The following RRP7A variants were observed in gnomAD, a reference collection of about 807,000 sequenced individuals.
The protein encoded by RRP7A is ribosomal RNA processing 7 homolog A, also known as ribosomal RNA-processing protein 7 homolog A.
In RRP7A, 27 loss-of-function variants were observed where a neutral mutation model predicts 38.4. The observed-to-expected ratio is 0.70, with a 90% confidence interval of 0.52 to 0.97. The LOEUF (loss-of-function observed/expected upper bound fraction) is 0.97. Among genes scored for constraint, RRP7A ranks in the 50% least tolerant of loss-of-function variants. The pLI is 0.00. For synonymous variants in RRP7A, 124 were observed against 150.3 expected, an observed-to-expected ratio of 0.83 and a Z score of 1.28; for missense variants, 327 against 375.4, an observed-to-expected ratio of 0.87 and a Z score of 1.07.
intron 1 of RRP7A, among the ~76,000 whole-genome samples, chr22:42,519,327 C>G (rs1191456157): frequency 6.6e-6 from 1 of 151,390 alleles, no homozygotes; most frequent in Non-Finnish European, 1.5e-5. Flanking sequence ...GGAGGGCAAC[C>G]GAGTAGGAGG....
chr22:42,511,952 G>C lies in RRP7A; in HGVS notation c.*958C>G, dbSNP rs1932478047. ...GGTTAGACATCTCCTGGGGTGCTAT[G>C]GACTGTCGGGGCTCCAAGGAGCCGA... On this transcript the variant is annotated 3_prime_UTR_variant, in exon 7 of 7. Transcript: ENST00000323013. 1 of 684,312 alleles carries C rather than the reference G, an allele frequency of 1.5e-6. No homozygotes were observed. The highest frequency in any genetic ancestry group is 2.4e-5 in the Admixed American group (1 of 41,476). 42.4% of individuals were successfully genotyped at this position (684,312 alleles called of 1,614,324 possible).
rs201097649 is a variant in RRP7A, at chr22:42,512,052, C to T, written c.*858G>A. ...GAATGCTGTGGGAGGGCCCTGACCC[C>T]GGGGCCCATGGAGCTCCCTAGGCTC... On this transcript the variant is annotated 3_prime_UTR_variant, in exon 7 of 7. Coordinates refer to ENST00000323013, the MANE Select transcript of RRP7A (RefSeq NM_015703.5). The T allele has an allele frequency of 4.8e-4, 597 of 1,252,038 alleles. 2 individuals carry two copies. Among genetic ancestry groups the T allele is most frequent in the Middle Eastern group, 1.2e-3 (6 of 4,840 alleles). 77.6% of individuals were successfully genotyped at this position (1,252,038 alleles called of 1,614,324 possible). A position where few individuals can be genotyped will look rare whatever the true frequency, so the allele number is the denominator to read the frequency against.
rs184389108 is a variant in RRP7A, at chr22:42,512,060, A to T, written c.*850T>A. 7.7e-3 allele frequency: 10,400 copies of T among 1,359,020 alleles called. 82 individuals are homozygous for T. The highest frequency in any genetic ancestry group is 9.5e-3 in the Non-Finnish European group (9,046 of 948,968). The allele number at this position is 1,359,020 out of a possible 1,614,324, so 84.2% of individuals were successfully genotyped here. ...TGGGAGGGCCCTGACCCCGGGGCCC[A>T]TGGAGCTCCCTAGGCTCCTCTGGCC... On this transcript the variant is annotated 3_prime_UTR_variant, in exon 7 of 7. Transcript: ENST00000323013.
In RRP7A at chr22:42,509,390, G is replaced by A. The variant is rs1316336289; in HGVS notation, c.*3520C>T. On this transcript the variant is annotated 3_prime_UTR_variant, in exon 7 of 7. Coordinates refer to ENST00000323013, the MANE Select transcript of RRP7A (RefSeq NM_015703.5). ...GCCCAGGTAAGGCTCCATAACCAGT[G>A]AGCCCAGTCTCGACTCACTGCAACC... Among the ~76,000 whole-genome samples the A allele has an allele frequency of 2.0e-5, 3 of 150,792 alleles. No individual in the cohort carries two copies. Among genetic ancestry groups the A allele is most frequent in the African/African-American group, 7.3e-5 (3 of 41,242 alleles).
intron 5 of RRP7A, among the ~76,000 whole-genome samples, 177 bp downstream of exon 5, chr22:42,514,505 A>C (rs1447110759): frequency 8.6e-5 from 13 of 151,846 alleles, no homozygotes; most frequent in Admixed American, 2.0e-4. Context: ...CCACTGTAGG[A>C]CATGTGGAGA....
chr22:42,508,472 C>A lies in RRP7A; in HGVS notation c.*4438G>T, dbSNP rs754939765. On this transcript the variant is annotated 3_prime_UTR_variant, in exon 7 of 7. Transcript: ENST00000323013. ...TGTCACACCTACAGCACATCTCACT[C>A]AAGCTGGCCACATCCCCGCCATCCA... Among the ~76,000 whole-genome samples, 9 of 152,320 alleles carry A rather than the reference C, an allele frequency of 5.9e-5. No homozygotes were observed. The highest frequency in any genetic ancestry group is 2.2e-4 in the African/African-American group (9 of 41,554).
chr22:42,518,289 A>C (rs1920936786), intron 1 of RRP7A, 142 bp from the exon 2 acceptor site: 4 of 758,296 alleles, frequency 5.3e-6, no homozygotes, highest in Non-Finnish European at 8.7e-6. Flanking sequence ...AACCCCCCTT[A>C]CCCTACTCTT....
At chr22:42,518,917 G>GT (rs1471332522) in intron 1 of RRP7A, among the ~76,000 whole-genome samples, 2 of 151,246 alleles carry the variant, frequency 1.3e-5, no homozygotes, top group African/African-American at 4.9e-5. Context: ...CAGCAAACTT[G>GT]TATCAATTGT....
Position 42,509,149 on chromosome 22 carries a change from A to G in RRP7A, c.*3761T>C. Reference sequence around the variant, plus strand: ...CATCCCCTTCAGTCACCCCCCAAGGAGACATGGGCGCCAGGAATCTCTGGG... The same window carrying G: ...CATCCCCTTCAGTCACCCCCCAAGGGGACATGGGCGCCAGGAATCTCTGGG... On this transcript the variant is annotated 3_prime_UTR_variant, in exon 7 of 7. Transcript: ENST00000323013. The G allele has an allele frequency of 6.2e-7, 1 of 1,613,210 alleles. No individual in the cohort carries two copies. Among genetic ancestry groups the G allele is most frequent in the Non-Finnish European group, 8.5e-7 (1 of 1,179,326 alleles).
intron 2 of RRP7A, 95 bp downstream of exon 2, chr22:42,517,910 T>A: frequency 7.0e-7 from 1 of 1,418,658 alleles, no homozygotes; most frequent in Non-Finnish European, 9.7e-7. Context: ...GGGCTCCCAT[T>A]AGCTGTGTCC....
Position 42,516,078 on chromosome 22 carries a change from T to A in RRP7A, c.275A>T (p.Glu92Val). 1 of 1,613,564 alleles carries A rather than the reference T, an allele frequency of 6.2e-7. No individual in the cohort carries two copies. Among genetic ancestry groups the A allele is most frequent in the Non-Finnish European group, 8.5e-7 (1 of 1,179,702 alleles). ...CGLVQSVELQ[E>V]KPDLAESPKE... Reference sequence around the variant, plus strand: ...TGGGCTCTCAGCCAGGTCCGGCTTCTCCTGCAACTCTACAGACTGGACGAG... The same window carrying A: ...TGGGCTCTCAGCCAGGTCCGGCTTCACCTGCAACTCTACAGACTGGACGAG... Residue 92 changes from glutamate (E) to valine (V), a missense_variant, in exon 3 of 7, where the codon GAG becomes GTG. Glu to Val is a moderately radical substitution (Grantham distance 121). Transcript: ENST00000323013.
chr22:42,518,836 T>C (rs1166131246), intron 1 of RRP7A: 3 of 459,818 alleles, frequency 6.5e-6, no homozygotes, highest in African/African-American at 4.0e-5. Flanking sequence ...CAGTACCGGT[T>C]GGCGTAGAGC....
rs1319741516 is a variant in RRP7A, at chr22:42,511,702, G to A, written c.*1208C>T. The A allele has an allele frequency of 1.8e-5, 3 of 168,414 alleles. No homozygotes were observed. Among genetic ancestry groups the A allele is most frequent in the Non-Finnish European group, 3.8e-5 (3 of 78,352 alleles). The allele number at this position is 168,414 out of a possible 1,614,324, so 10.4% of individuals were successfully genotyped here. On this transcript the variant is annotated 3_prime_UTR_variant, in exon 7 of 7. Transcript: ENST00000323013. ...AAAGGAAGAAGCCCACCTGTGGCTG[G>A]CTGGCTGGCCGCCAGGTCAGAGCCA...
rs1344274817 is a variant in RRP7A, at chr22:42,510,574, C to T, written c.*2336G>A. On this transcript the variant is annotated 3_prime_UTR_variant, in exon 7 of 7. Transcript: ENST00000323013. The stretch of plus-strand genomic sequence containing the variant: ...CTGAACCCAGGGCAGGATGGGGGCA[C>T]CGCTGGGAGGCGGTTCTAAGATGAA... The T allele has an allele frequency of 5.9e-5, 40 of 682,370 alleles. 1 individual carries two copies. In the South Asian group the frequency reaches 9.5e-4, roughly 16 times the overall value. 42.3% of individuals were successfully genotyped at this position (682,370 alleles called of 1,614,324 possible).
At chr22:42,519,420 G>A (rs1399667373) in intron 1 of RRP7A, among the ~76,000 whole-genome samples, 1 of 152,220 alleles carries the variant, frequency 6.6e-6, no homozygotes. Context: ...ACCTGGACGA[G>A]CGGGTGTGGA....
rs1932352525 is a variant in RRP7A at position 42,508,862 on chromosome 22, T to C, written c.*4048A>G. On this transcript the variant is annotated 3_prime_UTR_variant, in exon 7 of 7. Coordinates refer to ENST00000323013, the MANE Select transcript of RRP7A (RefSeq NM_015703.5). Reference sequence around the variant, plus strand: ...GCAGGAGTCTCTGGCCACCAGGGGCTAAAGAGCCTTCGATGAGGCAGTGAT... The same window carrying C: ...GCAGGAGTCTCTGGCCACCAGGGGCCAAAGAGCCTTCGATGAGGCAGTGAT... Among the ~76,000 whole-genome samples the C allele has an allele frequency of 6.6e-6, 1 of 152,144 alleles. No homozygotes were observed. Among genetic ancestry groups the C allele is most frequent in the African/African-American group, 2.4e-5 (1 of 41,442 alleles).
chr22:42,510,455 A>T lies in RRP7A; in HGVS notation c.*2455T>A, dbSNP rs1040180616. ...GCCTGGCTTGTGCCAGCTGAGCGTGAGCTGAGATTAACTGAGCCTCAAATC... is the reference window on the plus strand; with the variant it reads ...GCCTGGCTTGTGCCAGCTGAGCGTGTGCTGAGATTAACTGAGCCTCAAATC... On this transcript the variant is annotated 3_prime_UTR_variant, in exon 7 of 7. Coordinates refer to ENST00000323013, the MANE Select transcript of RRP7A (RefSeq NM_015703.5). The T allele has an allele frequency of 3.2e-6, 1 of 310,148 alleles. No individual in the cohort carries two copies. The highest frequency in any genetic ancestry group is 5.2e-5 in the Admixed American group (1 of 19,402). The allele number at this position is 310,148 out of a possible 1,614,324, so 19.2% of individuals were successfully genotyped here. A position where few individuals can be genotyped will look rare whatever the true frequency, so the allele number is the denominator to read the frequency against.
chr22:42,519,565 C>T (rs1920942243), intron 1 of RRP7A, 149 bp downstream of exon 1: 3 of 651,530 alleles, frequency 4.6e-6, no homozygotes, highest in Non-Finnish European at 6.9e-6. Flanking sequence ...ACCCCGGAGC[C>T]TCAAGACCTG....
Position 42,519,741 on chromosome 22 carries a change from G to C in RRP7A, c.46C>G (p.Arg16Gly), listed in dbSNP as rs751830134. ...GCGTAGCCCAGTGGGCTGGGGATAC[G>C]GTCCTCCGGGTCCCGCGCGGCGCAC... Reference protein sequence around the residue: ...RKCAARDPEDRIPSPLGYAAI... With the variant: ...RKCAARDPEDGIPSPLGYAAI... The change falls in exon 1 of 7, where the codon CGT becomes GGT. Residue 16 changes from arginine (R) to glycine (G), a missense_variant. Around this residue, in one of 5 missense-constraint regions of RRP7A, gnomAD observed 183 missense variants for 141.8 expected, o/e 1.29. Coordinates refer to ENST00000323013, the MANE Select transcript of RRP7A (RefSeq NM_015703.5). The C allele has an allele frequency of 1.9e-5, 27 of 1,455,824 alleles. No homozygotes were observed. The highest frequency in any genetic ancestry group is 3.9e-4 in the Middle Eastern group (2 of 5,118). 90.2% of individuals were successfully genotyped at this position (1,455,824 alleles called of 1,614,324 possible).
Sources: allele counts gnomAD v4.1 joint callset (sites outside exome capture counted in the v4.1 genomes callset), GRCh38; gene constraint gnomAD v4.1.1; regional missense constraint gnomAD v4.1.1; transcripts MANE v1.5; gene names NCBI Gene and HGNC (gene_info 2026-07-23, HGNC 2026-07-21).